MAGI1: variants seen among roughly 807,000 people sequenced by gnomAD.
MAGI1 encodes the protein membrane-associated guanylate kinase, WW and PDZ domain-containing protein 1.
In MAGI1, 58 loss-of-function variants were observed where a neutral mutation model predicts 139.9. That is an observed-to-expected ratio of 0.41 (90% confidence interval 0.34 to 0.52). The LOEUF (loss-of-function observed/expected upper bound fraction) is 0.52. Among genes scored for constraint, MAGI1 ranks in the 20% least tolerant of loss-of-function variants. The pLI is 0.12. For synonymous variants in MAGI1, 812 were observed against 737.9 expected (o/e 1.10, Z -1.63); for missense variants, 1,874 against 1,901.6 (o/e 0.99, Z 0.27).
chr3:65,998,773 G>C (rs1011762022), intron 1 of MAGI1, among the ~76,000 whole-genome samples: 1 of 151,958 alleles, frequency 6.6e-6, no homozygotes, highest in Non-Finnish European at 1.5e-5. Flanking sequence ...AATTTTTACA[G>C]GGTACTATTC....
chr3:65,968,318 T>A (rs2064857418), intron 1 of MAGI1, among the ~76,000 whole-genome samples: 1 of 152,194 alleles, frequency 6.6e-6, no homozygotes, highest in Non-Finnish European at 1.5e-5. Context: ...TACAACGATA[T>A]ATTACTGATT....
At chr3:65,500,317 G>C (rs2107696268) in intron 2 of MAGI1, among the ~76,000 whole-genome samples, 1 of 152,214 alleles carries the variant, frequency 6.6e-6, no homozygotes, top group Non-Finnish European at 1.5e-5. Context: ...CCCACCACTA[G>C]ATAATAACTT....
intron 3 of MAGI1, among the ~76,000 whole-genome samples, chr3:65,480,169 A>G (rs1951173914): frequency 1.3e-5 from 2 of 151,490 alleles, no homozygotes; most frequent in South Asian, 4.2e-4. Flanking sequence ...ACCAAAAAAA[A>G]AAAAAACACA....
At chr3:65,388,192 C>A (rs937685311) in intron 14 of MAGI1, among the ~76,000 whole-genome samples, 2 of 152,214 alleles carry the variant, frequency 1.3e-5, no homozygotes, top group Non-Finnish European at 2.9e-5. Flanking sequence ...CATTCTAATA[C>A]TGCTGCCTTG....
At chr3:65,969,415 C>T (rs1038809626) in intron 1 of MAGI1, among the ~76,000 whole-genome samples, 3 of 152,180 alleles carry the variant, frequency 2.0e-5, no homozygotes, top group Non-Finnish European at 1.5e-5. Context: ...TCCATTCCCC[C>T]TCCTCGTAGT....
chr3:65,934,770 T>C (rs1049478398), intron 1 of MAGI1, among the ~76,000 whole-genome samples: 1 of 148,778 alleles, frequency 6.7e-6, no homozygotes, highest in South Asian at 2.1e-4. Context: ...AAGTTGTTGT[T>C]TTTTTTTTTT....
intron 1 of MAGI1, among the ~76,000 whole-genome samples, chr3:66,005,378 T>C (rs2066960527): frequency 6.6e-6 from 1 of 152,194 alleles, no homozygotes; most frequent in African/African-American, 2.4e-5. Flanking sequence ...CTACAGGCTC[T>C]TCCTATGTTT....
intron 1 of MAGI1, among the ~76,000 whole-genome samples, chr3:65,651,009 C>T (rs2085545745): frequency 2.0e-5 from 3 of 152,158 alleles, no homozygotes. Context: ...ATAAGCAAGA[C>T]CAAAAAAATT....
chr3:65,743,166 T>C (rs1200886135), intron 1 of MAGI1, among the ~76,000 whole-genome samples: 1 of 152,216 alleles, frequency 6.6e-6, no homozygotes, highest in Non-Finnish European at 1.5e-5. Context: ...CTTGTTAAAA[T>C]AAATAATGTA....
At chr3:65,767,741 A>C (rs556632878) in intron 1 of MAGI1, among the ~76,000 whole-genome samples, 1 of 152,200 alleles carries the variant, frequency 6.6e-6, no homozygotes, top group African/African-American at 2.4e-5. Context: ...AAACAAAATG[A>C]AAGTGTCTAA....
intron 1 of MAGI1, among the ~76,000 whole-genome samples, chr3:65,679,462 C>A (rs546178121): frequency 6.6e-6 from 1 of 152,210 alleles, no homozygotes; most frequent in Admixed American, 6.5e-5. Flanking sequence ...CTTTGGGAGG[C>A]TGAGGCACAA....
intron 6 of MAGI1, among the ~76,000 whole-genome samples, chr3:65,451,677 C>T (rs1949040103): frequency 6.6e-6 from 1 of 152,174 alleles, no homozygotes; most frequent in South Asian, 2.1e-4. Flanking sequence ...CAGGGTCTCT[C>T]TCTGTCACCA....
intron 1 of MAGI1, among the ~76,000 whole-genome samples, chr3:65,634,298 C>A (rs1367710616): frequency 6.6e-6 from 1 of 152,196 alleles, no homozygotes; most frequent in Non-Finnish European, 1.5e-5. Flanking sequence ...AAAACCAACA[C>A]ATATTCTTTC....
At chr3:65,697,607 G>C (rs1576782462) in intron 1 of MAGI1, among the ~76,000 whole-genome samples, 2 of 99,528 alleles carry the variant, frequency 2.0e-5, no homozygotes, top group South Asian at 6.4e-4. Flanking sequence ...CATATAAACA[G>C]AGCCAAAGAC....
intron 1 of MAGI1, among the ~76,000 whole-genome samples, chr3:66,026,253 G>C (rs996906111): frequency 2.0e-5 from 3 of 152,112 alleles, no homozygotes; most frequent in African/African-American, 4.8e-5. Flanking sequence ...GGCGCAAGCA[G>C]ATGCACACAT....
At chr3:65,859,347 G>C (rs763185201) in intron 1 of MAGI1, among the ~76,000 whole-genome samples, 5 of 151,804 alleles carry the variant, frequency 3.3e-5, no homozygotes, top group African/African-American at 7.3e-5. Flanking sequence ...CTAAGCACCT[G>C]CATTAGACCC....
At chr3:65,836,437 T>G (rs188320595) in intron 1 of MAGI1, among the ~76,000 whole-genome samples, 65 of 152,084 alleles carry the variant, frequency 4.3e-4, no homozygotes, top group Admixed American at 9.8e-4. Context: ...ATAAGGATCG[T>G]GAATAAAGGA....
intron 2 of MAGI1, among the ~76,000 whole-genome samples, chr3:65,541,552 C>A (rs946220916): frequency 7.2e-5 from 11 of 152,192 alleles, no homozygotes; most frequent in Admixed American, 5.2e-4. Context: ...TCCAGCAGCA[C>A]ATCAAAAAGC....
At chr3:65,471,289 T>C (rs1950545833) in intron 4 of MAGI1, among the ~76,000 whole-genome samples, 1 of 152,194 alleles carries the variant, frequency 6.6e-6, no homozygotes, top group Admixed American at 6.5e-5. Context: ...TGAATTTTTA[T>C]AGAGGCCGAT....
Sources: gnomAD v4.1 joint callset for allele counts (sites outside exome capture counted in the v4.1 genomes callset) on GRCh38, gnomAD v4.1.1 for gene constraint, MANE v1.5 for transcripts, NCBI Gene and HGNC (gene_info 2026-07-23, HGNC 2026-07-21) for gene names.